MID1: variants seen among roughly 807,000 people sequenced by gnomAD.
MID1 encodes the protein E3 ubiquitin-protein ligase Midline-1.
Under a neutral mutation model 40.4 loss-of-function variants are expected in MID1, and 7 were observed. The ratio of observed to expected loss-of-function variants is 0.17; its 90% confidence interval spans 0.10 to 0.33. The LOEUF (loss-of-function observed/expected upper bound fraction) is 0.33, where lower values mean the gene tolerates loss of function less well. Among genes scored for constraint, MID1 ranks in the 10% least tolerant of loss-of-function variants. The pLI, the probability that MID1 is intolerant of heterozygous loss-of-function variation, is 1.00. For synonymous variants in MID1, 229 were observed against 221.2 expected, an observed-to-expected ratio of 1.04 and a Z score of -0.31; for missense variants, 367 against 558.5, an observed-to-expected ratio of 0.66 and a Z score of 3.46.
At chrX:10,764,897 T>C (rs184454660) in intron 1 of MID1, among the ~76,000 whole-genome samples, 3 of 112,103 alleles carry the variant, frequency 2.7e-5, no homozygotes, top group East Asian at 5.6e-4. Flanking sequence ...AATGGTAATA[T>C]ATATTTTTCC....
intron 1 of MID1, among the ~76,000 whole-genome samples, chrX:10,711,370 T>C (rs979654566): frequency 8.9e-6 from 1 of 112,104 alleles, no homozygotes; most frequent in African/African-American, 3.2e-5. Flanking sequence ...AATGGACCTC[T>C]TTCAGGCCTC....
intron 1 of MID1, among the ~76,000 whole-genome samples, chrX:10,784,606 C>T (rs1283054032): frequency 1.0e-4 from 11 of 108,585 alleles, no homozygotes; most frequent in East Asian, 2.9e-4. Context: ...CCACCACGCC[C>T]GGCTAATTTT....
At chrX:10,613,618 A>G (rs1055504852) in intron 1 of MID1, among the ~76,000 whole-genome samples, 1 of 101,215 alleles carries the variant, frequency 9.9e-6, no homozygotes, top group Non-Finnish European at 2.0e-5. Context: ...TCATTTCTGC[A>G]GAACAATCAA....
intron 1 of MID1, among the ~76,000 whole-genome samples, chrX:10,661,318 CT>C (rs113834216): frequency 8.2e-4 from 84 of 102,384 alleles, no homozygotes; most frequent in South Asian, 5.2e-3. Flanking sequence ...CCAACTATTT[CT>C]TTTTTTTTTT....
chrX:10,701,014 G>GT (rs1418839236), intron 1 of MID1, among the ~76,000 whole-genome samples: 2 of 111,165 alleles, frequency 1.8e-5, no homozygotes, highest in Non-Finnish European at 3.8e-5. Flanking sequence ...TTACTTTTTT[G>GT]TTTTTTTTAA....
At position 10,808,222 on chromosome X, in the gene MID1, T is replaced by C. The variant is rs150411916; in HGVS notation, c.-187+25332A>G. 1.3e-3 allele frequency among the ~76,000 whole-genome samples: 147 copies of C among 111,887 alleles called. No individual in the cohort carries two copies. In the East Asian group the frequency reaches 0.03, roughly 23 times the overall value. On this transcript the variant is annotated intron_variant, in intron 1 of 10. Transcript: ENST00000380785. ...AAGCCTCTAAGATGTCCTTGTCTGA[T>C]AGACTTCTCTAGAATGATCCTATGC...
At chrX:10,727,146 C>G (rs1286425543) in intron 1 of MID1, among the ~76,000 whole-genome samples, 1 of 112,254 alleles carries the variant, frequency 8.9e-6, no homozygotes, top group Non-Finnish European at 1.9e-5. Flanking sequence ...CGGAGTTTCA[C>G]TCTTGTTGCC....
At chrX:10,827,506 A>C (rs1188894067) in intron 1 of MID1, among the ~76,000 whole-genome samples, 1 of 90,878 alleles carries the variant, frequency 1.1e-5, no homozygotes, top group Non-Finnish European at 2.1e-5. Context: ...ATTGAGAGAG[A>C]GATCCTCTCA....
chrX:10,462,360 G>A (rs1929096081), intron 7 of MID1, among the ~76,000 whole-genome samples: 1 of 111,910 alleles, frequency 8.9e-6, no homozygotes, highest in Middle Eastern at 4.6e-3. Context: ...TACCGGTGTT[G>A]GTCTTACGCC....
chrX:10,809,536 C>A (rs2147151446), intron 1 of MID1, among the ~76,000 whole-genome samples: 1 of 111,570 alleles, frequency 9.0e-6, no homozygotes, highest in African/African-American at 3.3e-5. Flanking sequence ...CCCAAATGTC[C>A]ATCAACGATA....
At chrX:10,456,288 C>T (rs367667550) in intron 8 of MID1, among the ~76,000 whole-genome samples, 2 of 111,953 alleles carry the variant, frequency 1.8e-5, no homozygotes, top group Admixed American at 9.5e-5. Flanking sequence ...TTTTAGGTCA[C>T]GGACCAGCAT....
intron 1 of MID1, among the ~76,000 whole-genome samples, chrX:10,603,351 A>G (rs1462002753): frequency 1.8e-5 from 2 of 112,079 alleles, no homozygotes; most frequent in East Asian, 5.6e-4. Context: ...TTGCTCACTC[A>G]CTAGCAAAGG....
At chrX:10,767,524 T>C (rs1214488148) in intron 1 of MID1, among the ~76,000 whole-genome samples, 1 of 111,348 alleles carries the variant, frequency 9.0e-6, no homozygotes, top group African/African-American at 3.3e-5. Flanking sequence ...TTTCACTATG[T>C]TAGCCAGGAC....
At chrX:10,683,267 C>T (rs963202231) in intron 1 of MID1, among the ~76,000 whole-genome samples, 4 of 111,870 alleles carry the variant, frequency 3.6e-5, no homozygotes, top group African/African-American at 9.8e-5. Flanking sequence ...AACATCTGGC[C>T]TGGCATGGTG....
At chrX:10,732,170 T>G (rs2043454221) in intron 1 of MID1, among the ~76,000 whole-genome samples, 3 of 110,453 alleles carry the variant, frequency 2.7e-5, no homozygotes, top group Admixed American at 1.9e-4. Flanking sequence ...CTCTAACCAC[T>G]GCTGTTCAAC....
chrX:10,657,631 G>A (rs1369647296), intron 1 of MID1, among the ~76,000 whole-genome samples: 1 of 111,755 alleles, frequency 8.9e-6, no homozygotes, highest in Non-Finnish European at 1.9e-5. Context: ...CAGTCACTTT[G>A]CCCAATATCC....
chrX:10,801,102 TC>T (rs1569173664), intron 1 of MID1, among the ~76,000 whole-genome samples: 1 of 109,109 alleles, frequency 9.2e-6, no homozygotes, highest in African/African-American at 3.3e-5. Context: ...GGACTCAGAT[TC>T]AAAAAAAAAA....
intron 5 of MID1, among the ~76,000 whole-genome samples, chrX:10,480,881 G>A (rs747108113): frequency 8.9e-6 from 1 of 112,541 alleles, no homozygotes; most frequent in African/African-American, 3.2e-5. Flanking sequence ...TTTAAGAAGA[G>A]TGAAAATGGA....
chrX:10,464,092 A>C (rs1349294660), intron 7 of MID1, among the ~76,000 whole-genome samples: 1 of 111,758 alleles, frequency 8.9e-6, no homozygotes, highest in Non-Finnish European at 1.9e-5. Flanking sequence ...TCCTGGGAGA[A>C]TGGGCCTTTC....
Sources: allele counts gnomAD v4.1 joint callset (sites outside exome capture counted in the v4.1 genomes callset), GRCh38; gene constraint gnomAD v4.1.1; transcripts MANE v1.5; gene names NCBI Gene and HGNC (gene_info 2026-07-23, HGNC 2026-07-21).